The following UPF2 variants were observed in gnomAD, a reference collection of about 807,000 sequenced individuals.
UPF2 encodes the protein UPF2 regulator of nonsense mediated mRNA decay.
In UPF2, 17 loss-of-function variants were observed where a neutral mutation model predicts 141.4. That is an observed-to-expected ratio of 0.12 (90% CI 0.08 to 0.18). The LOEUF (loss-of-function observed/expected upper bound fraction) is 0.18, where lower values mean the gene tolerates loss of function less well. Among genes scored for constraint, UPF2 ranks in the 10% least tolerant of loss-of-function variants. UPF2 has a pLI of 1.00. For missense variants in UPF2, 1,152 were observed against 1,515.9 expected (o/e 0.76, Z 3.99); for synonymous variants, 540 against 498.0 (o/e 1.08, Z -1.12).
intron 8 of UPF2, among the ~76,000 whole-genome samples, chr10:11,994,902 G>A (rs1833839961): frequency 6.8e-6 from 1 of 146,546 alleles, no homozygotes; most frequent in Non-Finnish European, 1.5e-5. Context: ...CGTGAACCTG[G>A]GAGGCAGAGC....
intron 18 of UPF2, among the ~76,000 whole-genome samples, chr10:11,938,845 TTTTTTTTG>T (rs1564337743): frequency 1.7e-5 from 2 of 117,566 alleles, no homozygotes; most frequent in Non-Finnish European, 3.2e-5. Context: ...TAAGCAAGTT[TTTTTTTTG>T]TTTTTTTTTT....
At chr10:12,020,451 A>T (rs1834298568) in intron 3 of UPF2, among the ~76,000 whole-genome samples, 1 of 152,092 alleles carries the variant, frequency 6.6e-6, no homozygotes, top group Non-Finnish European at 1.5e-5. Context: ...GCGTTTCTCC[A>T]TATTGGTCAG....
rs1834281003 is a variant in UPF2, at chr10:12,019,547, A to C, written c.1146-5363T>G. 6.6e-6 allele frequency among the ~76,000 whole-genome samples: 1 copy of C among 152,228 alleles called. No homozygotes were observed. Among genetic ancestry groups the C allele is most frequent in the African/African-American group, 2.4e-5 (1 of 41,448 alleles). ...CCTGCAATATCATTGCACACTAGAG[A>C]GGTACTTGTCCCCTTTTACAGATAT... On this transcript the variant is annotated intron_variant, in intron 3 of 21. Coordinates refer to ENST00000357604, the MANE Select transcript of UPF2 (RefSeq NM_015542.4). The surrounding 1 kb of genome is among the most constrained non-coding windows in gnomAD (Gnocchi z 4.5).
intron 4 of UPF2, among the ~76,000 whole-genome samples, chr10:12,007,507 G>A (rs1834053133): frequency 6.6e-6 from 1 of 152,146 alleles, no homozygotes; most frequent in South Asian, 2.1e-4. Context: ...GAAAAACAGA[G>A]GAGTGATAGT....
intron 4 of UPF2, among the ~76,000 whole-genome samples, chr10:12,010,684 C>A (rs1284362400): frequency 1.3e-5 from 2 of 152,002 alleles, no homozygotes; most frequent in African/African-American, 2.4e-5. Flanking sequence ...AAATAAAGGT[C>A]AAGATTTTCC....
At chr10:11,926,357 A>G (rs992092785) in intron 21 of UPF2, among the ~76,000 whole-genome samples, 19 of 152,240 alleles carry the variant, frequency 1.2e-4, no homozygotes, top group African/African-American at 4.6e-4. Context: ...TGAAAATGTG[A>G]GATCTGGGCT....
At chr10:11,993,521 A>T (rs1303825723) in intron 8 of UPF2, among the ~76,000 whole-genome samples, 1 of 151,014 alleles carries the variant, frequency 6.6e-6, no homozygotes, top group Non-Finnish European at 1.5e-5. Flanking sequence ...AAACTTCAAA[A>T]ATTCCAAAAA....
intron 3 of UPF2, chr10:12,026,524 T>A (rs147696182): frequency 2.5e-6 from 1 of 402,182 alleles, no homozygotes; most frequent in Non-Finnish European, 4.8e-6. Context: ...AGTGGACACA[T>A]ATGTCCTCTA....
chr10:11,939,401 A>G lies in UPF2; in HGVS notation c.3379-2689T>C, dbSNP rs7075379. The stretch of plus-strand genomic sequence containing the variant: ...GTCTGTTTTCCCTTAACTGATTTGC[A>G]ACGTTATCTTCATCATATTACTAAA... On this transcript the variant is annotated intron_variant, in intron 18 of 21. Transcript: ENST00000357604. This position sits in a 1 kb window ranked among gnomAD's most constrained non-coding sequence, Gnocchi z 4.8. Among the ~76,000 whole-genome samples, 10,574 of 152,196 alleles carry G rather than the reference A, an allele frequency of 0.069. 591 individuals are homozygous for G. Among genetic ancestry groups the G allele is most frequent in the East Asian group, 0.25 (1,285 of 5,180 alleles).
intron 5 of UPF2, among the ~76,000 whole-genome samples, 187 bp from the exon 6 acceptor site, chr10:12,002,012 T>C (rs1833960578): frequency 6.6e-6 from 1 of 152,216 alleles, no homozygotes; most frequent in South Asian, 2.1e-4. Context: ...GGCTCACCCC[T>C]GTAATCCCAG....
At chr10:11,949,117 C>T (rs188009407) in intron 15 of UPF2, among the ~76,000 whole-genome samples, 2 of 152,294 alleles carry the variant, frequency 1.3e-5, no homozygotes, top group Admixed American at 6.5e-5. Flanking sequence ...TTGCTTTCAC[C>T]TCCTGTGTCC....
Position 12,016,453 on chromosome 10 carries a change from T to A in UPF2, c.1146-2269A>T, listed in dbSNP as rs1322215886. On this transcript the variant is annotated intron_variant, in intron 3 of 21. Transcript: ENST00000357604. The surrounding 1 kb of genome is among the most constrained non-coding windows in gnomAD (Gnocchi z 4.1). Reference sequence around the variant, plus strand: ...GCTCACGCCTGTAATCCCAGAACTTTGGAAGGCCGAGGTGGGAGGATCACA... The same window carrying A: ...GCTCACGCCTGTAATCCCAGAACTTAGGAAGGCCGAGGTGGGAGGATCACA... Among the ~76,000 whole-genome samples the A allele has an allele frequency of 6.6e-6, 1 of 152,012 alleles. No homozygotes were observed. The highest frequency in any genetic ancestry group is 1.5e-5 in the Non-Finnish European group (1 of 67,998).
At position 11,940,199 on chromosome 10, in the gene UPF2, C is replaced by T. The variant is rs1370692117; in HGVS notation, c.3378+2466G>A. Among the ~76,000 whole-genome samples the T allele has an allele frequency of 6.6e-6, 1 of 152,204 alleles. No homozygotes were observed. The highest frequency in any genetic ancestry group is 2.4e-5 in the African/African-American group (1 of 41,448). ...CTGCAAAAATGTGAATTCGAACTTCCCTCCTCGATTACATCTTCCCATCCT... is the reference window on the plus strand; with the variant it reads ...CTGCAAAAATGTGAATTCGAACTTCTCTCCTCGATTACATCTTCCCATCCT... On this transcript the variant is annotated intron_variant, in intron 18 of 21. Coordinates refer to ENST00000357604, the MANE Select transcript of UPF2 (RefSeq NM_015542.4). This position sits in a 1 kb window ranked among gnomAD's most constrained non-coding sequence, Gnocchi z 4.2.
chr10:12,035,499 A>G, intron 1 of UPF2, 58 bp from the exon 2 acceptor site: 1 of 1,454,964 alleles, frequency 6.9e-7, no homozygotes, highest in South Asian at 1.5e-5. Context: ...AAATGATATC[A>G]CACTATTTTT....
chr10:11,934,797 T>G (rs192733093), intron 19 of UPF2, among the ~76,000 whole-genome samples: 1 of 151,800 alleles, frequency 6.6e-6, no homozygotes, highest in East Asian at 1.9e-4. Flanking sequence ...ACTATGTTGG[T>G]CAGGCTGGTC....
At chr10:12,020,439 C>T (rs1834298287) in intron 3 of UPF2, among the ~76,000 whole-genome samples, 2 of 152,052 alleles carry the variant, frequency 1.3e-5, no homozygotes, top group African/African-American at 4.8e-5. Context: ...TTAGTAGAGA[C>T]AGCGTTTCTC....
intron 4 of UPF2, among the ~76,000 whole-genome samples, chr10:12,012,677 T>C (rs1834150132): frequency 6.6e-6 from 1 of 151,498 alleles, no homozygotes. Flanking sequence ...TGGGTGCCTG[T>C]AGTCCCAGCT....
At chr10:12,043,121 A>G (rs1262501140), upstream of UPF2, 1 of 152,282 alleles carries the variant, frequency 6.6e-6, no homozygotes, top group Admixed American at 6.5e-5. Flanking sequence ...CCAGTCGATG[A>G]GAAGAGCGAA....
chr10:11,960,466 G>C (rs1387795275), intron 11 of UPF2, among the ~76,000 whole-genome samples: 17 of 152,174 alleles, frequency 1.1e-4, no homozygotes, highest in Admixed American at 1.1e-3. Flanking sequence ...TACTCGGGAA[G>C]CTGAAGCAGG....
Sources: allele counts gnomAD v4.1 joint callset (sites outside exome capture counted in the v4.1 genomes callset), GRCh38; gene constraint gnomAD v4.1.1; non-coding constraint Gnocchi (gnomAD v3.1); transcripts MANE v1.5; gene names NCBI Gene and HGNC (gene_info 2026-07-23, HGNC 2026-07-21).